SPEF2: variants seen among roughly 807,000 people sequenced by gnomAD.
SPEF2 encodes sperm flagella and cilia-associated protein 2.
Under a neutral mutation model 224.6 loss-of-function variants are expected in SPEF2, and 187 were observed. That is an observed-to-expected ratio of 0.83 (90% CI 0.74 to 0.94). The LOEUF (loss-of-function observed/expected upper bound fraction) is 0.94. Ranked by LOEUF, SPEF2 falls within the 40% of genes least tolerant of loss-of-function variation. SPEF2 has a pLI of 0.00. For missense variants in SPEF2, 2,170 were observed against 2,135.6 expected (o/e 1.02, Z -0.32); for synonymous variants, 715 against 707.3 (o/e 1.01, Z -0.17).
chr5:35,732,946 G>C (rs1745879942), intron 21 of SPEF2, among the ~76,000 whole-genome samples: 1 of 152,028 alleles, frequency 6.6e-6, no homozygotes, highest in Non-Finnish European at 1.5e-5. Context: ...GCCTGATTAT[G>C]AATTAAATTA....
intron 10 of SPEF2, chr5:35,670,910 T>C (rs1751147340): frequency 1.0e-6 from 1 of 985,290 alleles, no homozygotes. Context: ...GTTAAACACT[T>C]AGCTGAGTGC....
intron 34 of SPEF2, among the ~76,000 whole-genome samples, chr5:35,802,852 G>T (rs1312609941): frequency 1.3e-5 from 2 of 152,184 alleles, no homozygotes; most frequent in Non-Finnish European, 2.9e-5. Flanking sequence ...TTAACTCTAT[G>T]CAGGATGAGA....
intron 10 of SPEF2, among the ~76,000 whole-genome samples, chr5:35,674,259 T>C (rs1202156471): frequency 6.6e-6 from 1 of 150,990 alleles, no homozygotes; most frequent in Non-Finnish European, 1.5e-5. Flanking sequence ...TCTTTCTTCC[T>C]GGCTCACAGA....
intron 24 of SPEF2, among the ~76,000 whole-genome samples, chr5:35,758,401 C>T (rs753158995): frequency 3.9e-5 from 6 of 152,194 alleles, no homozygotes; most frequent in Non-Finnish European, 5.9e-5. Flanking sequence ...TGTCCTAAAC[C>T]GAATGGGAGA....
In SPEF2 at chr5:35,617,957, T is replaced by C. The variant is rs895441110; in HGVS notation, c.-41T>C. 2.6e-6 allele frequency: 4 copies of C among 1,554,196 alleles called. No homozygotes were observed. The African/African-American group carries it at 5.5e-5, about 21-fold the overall frequency. Reference sequence around the variant, plus strand: ...GCTGGCAGGCTTGGTTCCTGGCGAGTTTCTAAGCCCCCGCCTGCGGTCTGA... The same window carrying C: ...GCTGGCAGGCTTGGTTCCTGGCGAGCTTCTAAGCCCCCGCCTGCGGTCTGA... On this transcript the variant is annotated 5_prime_UTR_variant, in exon 1 of 37. Transcript: ENST00000356031.
chr5:35,759,722 A>C lies in SPEF2; in HGVS notation c.3620+3A>C. ...GACAATTCTGAAAGCCAGCTTAGGT[A>C]AGGCAGGCTATTATATCACACTGTA... On this transcript the variant is annotated splice_donor_region_variant and intron_variant, in intron 25 of 36. Transcript: ENST00000356031. 1 of 1,567,706 alleles carries C rather than the reference A, an allele frequency of 6.4e-7. No individual in the cohort carries two copies. Among genetic ancestry groups the C allele is most frequent in the East Asian group, 2.3e-5 (1 of 44,092 alleles).
rs772719768 is a variant in SPEF2 at position 35,667,158 on chromosome 5, T to C, written c.1254T>C (p.Ala418=). 15 of 1,612,614 alleles carry C rather than the reference T, an allele frequency of 9.3e-6. No individual in the cohort carries two copies. The Admixed American group carries it at 1.8e-4, about 20-fold the overall frequency. The stretch of plus-strand genomic sequence containing the variant: ...ATGATCAGATTGCTGTGGAAAGAGC[T>C]CAAGCTCGTTATGAAAAGCATTATT... ...RFHDQIAVER[A]QARYEKHYSV... The change falls in exon 9 of 37, where the codon GCT becomes GCC. Residue 418 remains alanine, a synonymous_variant. Coordinates refer to ENST00000356031, the MANE Select transcript of SPEF2 (RefSeq NM_024867.4).
At chr5:35,751,062 T>TATATACGTATATATATATATATATAC (rs1554048737) in intron 23 of SPEF2, among the ~76,000 whole-genome samples, 1 of 28,118 alleles carries the variant, frequency 3.6e-5, no homozygotes. Flanking sequence ...TATACGTATA[T>TATATACGTATATATATATATATATAC]ATATGTATAT....
chr5:35,635,662 G>A (rs1387831229), intron 2 of SPEF2, among the ~76,000 whole-genome samples: 3 of 152,098 alleles, frequency 2.0e-5, no homozygotes, highest in Non-Finnish European at 4.4e-5. Flanking sequence ...TTTATTTGGC[G>A]AATCCAATTT....
chr5:35,759,741 C>T, intron 25 of SPEF2, 22 bp downstream of exon 25: 1 of 1,517,250 alleles, frequency 6.6e-7, no homozygotes, highest in Non-Finnish European at 8.9e-7. Context: ...TATTATATCA[C>T]ACTGTAATTG....
intron 19 of SPEF2, chr5:35,710,348 A>G (rs1007810401): frequency 9.3e-5 from 73 of 782,950 alleles, no homozygotes; most frequent in Non-Finnish European, 1.1e-4. Flanking sequence ...ACCAGAAATC[A>G]GGAGTTCGAG....
intron 34 of SPEF2, among the ~76,000 whole-genome samples, chr5:35,802,889 G>A (rs375684526): frequency 3.3e-5 from 5 of 152,196 alleles, no homozygotes; most frequent in East Asian, 3.9e-4. Context: ...CAGTCACCTG[G>A]CTTCACTAAG....
At chr5:35,786,197 G>C (rs1424792073) in intron 30 of SPEF2, among the ~76,000 whole-genome samples, 1 of 152,136 alleles carries the variant, frequency 6.6e-6, no homozygotes, top group Non-Finnish European at 1.5e-5. Context: ...CCCAGGTGTA[G>C]TGCAACTGGC....
chr5:35,781,300 G>A (rs1427154385), intron 30 of SPEF2: 2 of 152,190 alleles, frequency 1.3e-5, no homozygotes, highest in Non-Finnish European at 2.9e-5. Context: ...TTATTCAAGT[G>A]CTCAAGAATG....
chr5:35,676,294 CT>C, intron 10 of SPEF2, among the ~76,000 whole-genome samples: 1 of 128,058 alleles, frequency 7.8e-6, no homozygotes, highest in Non-Finnish European at 1.7e-5. Context: ...TCTGGGCTTT[CT>C]ACTACTGAGT....
intron 4 of SPEF2, among the ~76,000 whole-genome samples, chr5:35,645,455 G>C (rs1747234306): frequency 1.3e-5 from 2 of 152,110 alleles, no homozygotes; most frequent in Non-Finnish European, 1.5e-5. Flanking sequence ...AGAATTGAAC[G>C]TTTTTGTAGC....
intron 3 of SPEF2, chr5:35,643,515 C>A (rs868802663): frequency 1.1e-5 from 5 of 455,872 alleles, no homozygotes; most frequent in Middle Eastern, 3.3e-4. Context: ...AGACTGGGGC[C>A]ACTTATCAGT....
chr5:35,782,187 A>G (rs1580715038), intron 30 of SPEF2, among the ~76,000 whole-genome samples: 2 of 152,192 alleles, frequency 1.3e-5, no homozygotes, highest in Non-Finnish European at 2.9e-5. Context: ...CCTTTATGAT[A>G]CCTTCCACTG....
chr5:35,653,134 T>C (rs1304670061), intron 6 of SPEF2, among the ~76,000 whole-genome samples: 1 of 152,210 alleles, frequency 6.6e-6, no homozygotes, highest in Non-Finnish European at 1.5e-5. Context: ...ATCTATGAAT[T>C]CTGTACCAAG....
Sources: allele counts gnomAD v4.1 joint callset (sites outside exome capture counted in the v4.1 genomes callset), GRCh38; gene constraint gnomAD v4.1.1; transcripts MANE v1.5; gene names NCBI Gene and HGNC (gene_info 2026-07-23, HGNC 2026-07-21).